VIT: variants seen among roughly 807,000 people sequenced by gnomAD.
VIT encodes vitrin.
In VIT, 99 loss-of-function variants were observed where a neutral mutation model predicts 78.0. That is an observed-to-expected ratio of 1.27 (90% CI 1.08 to 1.50). The LOEUF is 1.50. Ranked by LOEUF, VIT falls within the 40% of genes most tolerant of loss-of-function variation. The pLI is 0.00. For synonymous variants in VIT, 374 were observed against 334.3 expected (o/e 1.12, Z -1.29); for missense variants, 1,126 against 875.3 (o/e 1.29, Z -3.61).
chr2:36,708,674 G>A (rs1384638185), intron 1 of VIT, among the ~76,000 whole-genome samples: 1 of 152,092 alleles, frequency 6.6e-6, no homozygotes, highest in African/African-American at 2.4e-5. Context: ...CTCTGTCGCT[G>A]GGTCCTGTCC....
At chr2:36,737,784 G>A (rs1475214580) in intron 3 of VIT, among the ~76,000 whole-genome samples, 3 of 152,320 alleles carry the variant, frequency 2.0e-5, no homozygotes, top group Non-Finnish European at 4.4e-5. Flanking sequence ...AGGTTTATGT[G>A]TAGCAACTTG....
chr2:36,777,891 G>A (rs1350734488), intron 9 of VIT, among the ~76,000 whole-genome samples: 5 of 152,078 alleles, frequency 3.3e-5, no homozygotes, highest in East Asian at 3.9e-4. Flanking sequence ...TGGGGCAACC[G>A]AATCCTGCGA....
chr2:36,718,897 C>A (rs1268355196), intron 2 of VIT, among the ~76,000 whole-genome samples: 1 of 152,222 alleles, frequency 6.6e-6, no homozygotes, highest in Non-Finnish European at 1.5e-5. Context: ...TTCTACCTTG[C>A]CCCTTTGGGA....
chr2:36,786,646 A>G (rs939608669), intron 11 of VIT, among the ~76,000 whole-genome samples: 1 of 152,200 alleles, frequency 6.6e-6, no homozygotes, highest in Non-Finnish European at 1.5e-5. Context: ...ATTGATATCA[A>G]TTTCTTATTC....
chr2:36,805,609 A>C lies in VIT; in HGVS notation c.1334A>C (p.Glu445Ala). Residue 445 changes from glutamate (E) to alanine (A), a missense_variant, in exon 14 of 16, where the codon GAA becomes GCA. Glu to Ala is a moderately radical substitution (Grantham distance 107). Coordinates refer to ENST00000379242, the MANE Select transcript of VIT (RefSeq NM_053276.4). The part of the protein sequence containing the change: ...SGINIFFITI[E>A]GAAENEKQYV... Reference sequence around the variant, plus strand: ...ATCAACATTTTCTTCATCACCATTGAAGGTGCTGCTGAAAATGAGAAGCAG... The same window carrying C: ...ATCAACATTTTCTTCATCACCATTGCAGGTGCTGCTGAAAATGAGAAGCAG... 3.1e-6 allele frequency: 5 copies of C among 1,614,172 alleles called. No homozygotes were observed. The highest frequency in any genetic ancestry group is 4.2e-6 in the Non-Finnish European group (5 of 1,180,030).
chr2:36,715,896 G>A (rs946331253), intron 1 of VIT, among the ~76,000 whole-genome samples: 1 of 152,172 alleles, frequency 6.6e-6, no homozygotes, highest in African/African-American at 2.4e-5. Flanking sequence ...GGTGAGAATT[G>A]TTTTTTAATT....
chr2:36,735,828 A>G (rs1667478743), intron 3 of VIT, among the ~76,000 whole-genome samples: 1 of 152,194 alleles, frequency 6.6e-6, no homozygotes, highest in Non-Finnish European at 1.5e-5. Flanking sequence ...TGGAGAGTCT[A>G]CTTTTCAAAG....
chr2:36,731,733 A>G (rs1311830677), intron 3 of VIT, among the ~76,000 whole-genome samples: 1 of 152,252 alleles, frequency 6.6e-6, no homozygotes, highest in Non-Finnish European at 1.5e-5. Context: ...CTGTATCCAA[A>G]TTTGTAGGCT....
rs1472032520 is a variant in VIT, at chr2:36,805,430, T to C, written c.1163-8T>C. On this transcript the variant is annotated splice_polypyrimidine_tract_variant and splice_region_variant and intron_variant, in intron 13 of 15. Transcript: ENST00000379242. ...TCACTCCAAGCATGAATTTTCTTTT[T>C]CTTCCAGGTCGGGCCATCTCCTTTG... 1 of 1,590,158 alleles carries C rather than the reference T, an allele frequency of 6.3e-7. No homozygotes were observed. The highest frequency in any genetic ancestry group is 8.5e-7 in the Non-Finnish European group (1 of 1,169,710).
chr2:36,747,372 G>A (rs1572465075), intron 4 of VIT, among the ~76,000 whole-genome samples: 2 of 152,236 alleles, frequency 1.3e-5, no homozygotes, highest in East Asian at 3.9e-4. Context: ...CTGTCTCAAG[G>A]ATCCAACACT....
chr2:36,781,274 G>A (rs1026527445), intron 9 of VIT, among the ~76,000 whole-genome samples: 1 of 152,196 alleles, frequency 6.6e-6, no homozygotes, highest in Non-Finnish European at 1.5e-5. Flanking sequence ...ATGGATAGAT[G>A]GGAAAGGATT....
At chr2:36,730,070 C>A (rs1456644253) in intron 3 of VIT, among the ~76,000 whole-genome samples, 1 of 151,880 alleles carries the variant, frequency 6.6e-6, no homozygotes, top group Non-Finnish European at 1.5e-5. Context: ...CTGAGGCGGG[C>A]GGATCACTTG....
At chr2:36,763,366 A>G (rs1669234596) in intron 6 of VIT, among the ~76,000 whole-genome samples, 1 of 152,158 alleles carries the variant, frequency 6.6e-6, no homozygotes, top group Non-Finnish European at 1.5e-5. Context: ...AGTTTAAGGG[A>G]AGTTTTGAAA....
chr2:36,773,680 C>T (rs889496505), intron 7 of VIT, 111 bp from the exon 8 acceptor site: 2 of 927,334 alleles, frequency 2.2e-6, no homozygotes, highest in Non-Finnish European at 1.5e-6. Flanking sequence ...GCTGAGATCG[C>T]ACCACTGCAC....
intron 1 of VIT, among the ~76,000 whole-genome samples, chr2:36,706,330 T>C (rs1324725227): frequency 6.6e-6 from 1 of 152,106 alleles, no homozygotes; most frequent in African/African-American, 2.4e-5. Flanking sequence ...GAACAATAAA[T>C]ATGAGAAGGG....
At chr2:36,712,956 C>T (rs1026614332) in intron 1 of VIT, among the ~76,000 whole-genome samples, 1 of 152,208 alleles carries the variant, frequency 6.6e-6, no homozygotes, top group Admixed American at 6.5e-5. Flanking sequence ...TCATTACTCA[C>T]ACATTGATTC....
intron 7 of VIT, among the ~76,000 whole-genome samples, chr2:36,773,542 C>A (rs1669877652): frequency 6.6e-6 from 1 of 151,904 alleles, no homozygotes; most frequent in Non-Finnish European, 1.5e-5. Flanking sequence ...CCAGCCTGGC[C>A]AACATGGTGA....
Position 36,729,468 on chromosome 2 carries a change from A to C in VIT, c.95A>C (p.Lys32Thr), listed in dbSNP as rs1340447060. Residue 32 changes from lysine (K) to threonine (T), a missense_variant, in exon 3 of 16, where the codon AAG becomes ACG. Transcript: ENST00000379242. ...TGVHSNKETA[K>T]KIKRPKFTVP... is the part of the protein sequence containing the mutation. ...GTACATTCAAACAAAGAAACGGCAA[A>C]GAAGATTAAAAGGCCCAAGTTCAGT... is the stretch of plus-strand genomic sequence containing the variant. The C allele has an allele frequency of 6.2e-7, 1 of 1,609,356 alleles. No homozygotes were observed. The highest frequency in any genetic ancestry group is 1.3e-5 in the African/African-American group (1 of 74,846).
At chr2:36,770,234 G>T (rs1172398266) in intron 7 of VIT, among the ~76,000 whole-genome samples, 1 of 152,212 alleles carries the variant, frequency 6.6e-6, no homozygotes, top group Non-Finnish European at 1.5e-5. Context: ...CAAGATCCCT[G>T]CAGCAAGTCG....
Sources: gnomAD v4.1 joint callset for allele counts (sites outside exome capture counted in the v4.1 genomes callset) on GRCh38, gnomAD v4.1.1 for gene constraint, MANE v1.5 for transcripts, NCBI Gene and HGNC (gene_info 2026-07-23, HGNC 2026-07-21) for gene names.